Variants in NALF1 observed in about 807,000 individuals in gnomAD.
NALF1 encodes the protein family with sequence similarity 155 member A.
Under a neutral mutation model 48.4 loss-of-function variants are expected in NALF1, and 3 were observed. The observed-to-expected ratio is 0.06, with a 90% CI of 0.03 to 0.16. The LOEUF (loss-of-function observed/expected upper bound fraction) is 0.16, where lower values mean the gene tolerates loss of function less well. Ranked by LOEUF, NALF1 falls within the 10% of genes least tolerant of loss-of-function variation. The probability of loss-of-function intolerance (pLI) is 1.00; values close to 1 mark genes in which losing one functional copy is unlikely to be tolerated. For missense variants in NALF1, 526 were observed against 571.5 expected (o/e 0.92, Z 0.81); for synonymous variants, 262 against 245.7 (o/e 1.07, Z -0.62).
intron 1 of NALF1, among the ~76,000 whole-genome samples, chr13:107,463,363 A>AG (rs1884950533): frequency 6.6e-6 from 1 of 152,196 alleles, no homozygotes. Flanking sequence ...ATGGGCCCAG[A>AG]GGGCATTATT....
intron 1 of NALF1, among the ~76,000 whole-genome samples, chr13:107,769,405 T>C (rs552382154): frequency 3.9e-4 from 57 of 145,840 alleles, no homozygotes; most frequent in African/African-American, 1.2e-3. Context: ...GTGGATGAAA[T>C]TGGAAATCAT....
Position 107,465,392 on chromosome 13 carries a change from T to G in NALF1, c.916-254637A>C, listed in dbSNP as rs921346413. Among the ~76,000 whole-genome samples the G allele has an allele frequency of 3.3e-5, 5 of 152,138 alleles. No homozygotes were observed. In the East Asian group the frequency reaches 9.6e-4, roughly 29 times the overall value. On this transcript the variant is annotated intron_variant, in intron 1 of 2. Transcript: ENST00000375915. ...TTATAAATCTTAAAGTTTATACAAT[T>G]TTTTTTACTCTTTCTTTACCCTCCT...
chr13:107,584,314 T>G (rs1437751859), intron 1 of NALF1, among the ~76,000 whole-genome samples: 1 of 152,222 alleles, frequency 6.6e-6, no homozygotes, highest in Non-Finnish European at 1.5e-5. Flanking sequence ...GAAAGTTGGA[T>G]AGTCTAAAGC....
chr13:107,200,448 G>A (rs141065544), intron 2 of NALF1, among the ~76,000 whole-genome samples: 5 of 152,268 alleles, frequency 3.3e-5, no homozygotes, highest in Admixed American at 6.5e-5. Context: ...GACTTCGAGC[G>A]AGGGGCATGA....
intron 1 of NALF1, among the ~76,000 whole-genome samples, chr13:107,433,006 C>G (rs1190752934): frequency 6.6e-6 from 1 of 152,128 alleles, no homozygotes; most frequent in Non-Finnish European, 1.5e-5. Flanking sequence ...TTTTCCTCAA[C>G]CCTCTCATTC....
chr13:107,634,958 A>C (rs1378316268), intron 1 of NALF1, among the ~76,000 whole-genome samples: 1 of 152,180 alleles, frequency 6.6e-6, no homozygotes, highest in Non-Finnish European at 1.5e-5. Flanking sequence ...GATTATAGTT[A>C]CACAAACAAG....
rs962821377 is a variant in NALF1, at chr13:107,169,675, A to T, written c.*822T>A. 1 of 152,504 alleles carries T rather than the reference A, an allele frequency of 6.6e-6. No individual in the cohort carries two copies. Among genetic ancestry groups the T allele is most frequent in the South Asian group, 2.1e-4 (1 of 4,824 alleles). 9.4% of individuals were successfully genotyped at this position (152,504 alleles called of 1,614,324 possible). On this transcript the variant is annotated 3_prime_UTR_variant, in exon 3 of 3. Transcript: ENST00000375915. ...CCTTTTATTTTGTTTTCAACATAAA[A>T]ATGTGTTAACTGTCTGATTCCACCT...
chr13:107,727,526 T>C (rs1411022334), intron 1 of NALF1, among the ~76,000 whole-genome samples: 1 of 152,200 alleles, frequency 6.6e-6, no homozygotes, highest in African/African-American at 2.4e-5. Flanking sequence ...GGGACTCTGC[T>C]ACAGTCCTTG....
intron 1 of NALF1, among the ~76,000 whole-genome samples, chr13:107,467,574 T>C (rs1802230779): frequency 6.6e-6 from 1 of 152,216 alleles, no homozygotes; most frequent in African/African-American, 2.4e-5. Flanking sequence ...AAAAATTTCA[T>C]TACCTTCTCC....
intron 1 of NALF1, among the ~76,000 whole-genome samples, chr13:107,250,974 C>A (rs9514640): frequency 6.6e-6 from 1 of 152,008 alleles, no homozygotes; most frequent in Admixed American, 6.6e-5. Context: ...GCCTCCCCAG[C>A]CATGCCTACT....
At chr13:107,556,905 A>T (rs1200277783) in intron 1 of NALF1, among the ~76,000 whole-genome samples, 1 of 152,220 alleles carries the variant, frequency 6.6e-6, no homozygotes, top group Non-Finnish European at 1.5e-5. Context: ...GAGGAGGAAG[A>T]GGAGATGAGA....
At chr13:107,820,542 T>C (rs546443902) in intron 1 of NALF1, among the ~76,000 whole-genome samples, 12 of 152,326 alleles carry the variant, frequency 7.9e-5, no homozygotes, top group African/African-American at 2.6e-4. Context: ...ACTTATTTTT[T>C]CAAAACCTTC....
intron 2 of NALF1, among the ~76,000 whole-genome samples, chr13:107,209,423 C>T (rs1879711622): frequency 6.6e-6 from 1 of 151,780 alleles, no homozygotes; most frequent in African/African-American, 2.4e-5. Context: ...ATGAGAATCA[C>T]TTGAACCCCG....
chr13:107,199,727 T>C (rs1009377659), intron 2 of NALF1, among the ~76,000 whole-genome samples: 1 of 152,138 alleles, frequency 6.6e-6, no homozygotes, highest in Non-Finnish European at 1.5e-5. Flanking sequence ...CCATACTGCA[T>C]TGACAGGAGG....
chr13:107,608,282 T>C (rs191721339), intron 1 of NALF1, among the ~76,000 whole-genome samples: 1 of 152,232 alleles, frequency 6.6e-6, no homozygotes, highest in Non-Finnish European at 1.5e-5. Context: ...AGGCACATGA[T>C]AATGTTAAGC....
chr13:107,253,037 G>GTT (rs1880735070), intron 1 of NALF1, among the ~76,000 whole-genome samples: 1 of 152,068 alleles, frequency 6.6e-6, no homozygotes, highest in Non-Finnish European at 1.5e-5. Context: ...TAATGACATA[G>GTT]TTATGAAAAG....
chr13:107,384,384 C>T (rs1295418751), intron 1 of NALF1, among the ~76,000 whole-genome samples: 1 of 152,154 alleles, frequency 6.6e-6, no homozygotes, highest in South Asian at 2.1e-4. Context: ...TTTAGTTTTG[C>T]TTTTCATACA....
intron 1 of NALF1, among the ~76,000 whole-genome samples, chr13:107,752,637 T>C (rs1167889510): frequency 2.0e-5 from 3 of 152,208 alleles, no homozygotes; most frequent in South Asian, 2.1e-4. Flanking sequence ...ATTTCACTTA[T>C]ATATGAAATC....
At chr13:107,284,355 GAAAAC>G (rs1482961535) in intron 1 of NALF1, among the ~76,000 whole-genome samples, 1 of 151,920 alleles carries the variant, frequency 6.6e-6, no homozygotes, top group African/African-American at 2.4e-5. Context: ...TCATTCAAAG[GAAAAC>G]AAAACAAAAC....
Sources: allele counts gnomAD v4.1 joint callset (sites outside exome capture counted in the v4.1 genomes callset), GRCh38; gene constraint gnomAD v4.1.1; transcripts MANE v1.5; gene names NCBI Gene and HGNC (gene_info 2026-07-23, HGNC 2026-07-21).